SECISBP2: variants seen among roughly 807,000 people sequenced by gnomAD.
SECISBP2 encodes SECIS binding protein 2.
SECISBP2 carries 96 observed loss-of-function variants against 98.2 expected under a neutral mutation model. The ratio of observed to expected loss-of-function variants is 0.98; its 90% CI spans 0.83 to 1.16. SECISBP2 has a LOEUF of 1.16. SECISBP2 is among the 50% of genes most tolerant of loss of function. The pLI is 0.00. For synonymous variants in SECISBP2, 407 were observed against 370.2 expected (o/e 1.10, Z -1.14); for missense variants, 1,046 against 1,022.9 (o/e 1.02, Z -0.31).
intron 13 of SECISBP2, 79 bp from the exon 14 acceptor site, chr9:89,350,553 T>C: frequency 7.8e-7 from 1 of 1,275,800 alleles, no homozygotes; most frequent in Non-Finnish European, 1.1e-6. Context: ...CTACGTCTCT[T>C]CTCCCTGGGG....
At chr9:89,341,636 TC>T (rs1215570533) in intron 10 of SECISBP2, among the ~76,000 whole-genome samples, 157 bp downstream of exon 10, 11 of 152,216 alleles carry the variant, frequency 7.2e-5, no homozygotes, top group African/African-American at 2.4e-4. Flanking sequence ...GAATTAAGAG[TC>T]CAGAAATAAA....
At chr9:89,324,387 C>G (rs549721738) in intron 2 of SECISBP2, 1 of 152,156 alleles carries the variant, frequency 6.6e-6, no homozygotes, top group African/African-American at 2.4e-5. Context: ...CTTAGAAAAT[C>G]TAAGTTAACA....
rs1032879923 is a variant in SECISBP2, at chr9:89,354,739, C to G, written c.2114-2672C>G. ...CAGCCTCGAGAGGACAGCAGCCAAG[C>G]CTGCTCTGTTAGGTTGTTTCTGCAC... On this transcript the variant is annotated intron_variant, in intron 14 of 16. Coordinates refer to ENST00000375807, the MANE Select transcript of SECISBP2 (RefSeq NM_024077.5). The G allele has an allele frequency of 1.0e-5, 10 of 980,340 alleles. No homozygotes were observed. The Admixed American group carries it at 6.1e-4, about 60-fold the overall frequency. 60.7% of individuals were successfully genotyped at this position (980,340 alleles called of 1,614,324 possible). A position where few individuals can be genotyped will look rare whatever the true frequency, so the allele number is the denominator to read the frequency against.
intron 4 of SECISBP2, among the ~76,000 whole-genome samples, chr9:89,328,020 G>C (rs1827068449): frequency 6.6e-6 from 1 of 152,150 alleles, no homozygotes; most frequent in Non-Finnish European, 1.5e-5. Flanking sequence ...TGGCCAGGCT[G>C]GTCTGGAACT....
In SECISBP2 at chr9:89,358,741, C is replaced by T; in HGVS notation, c.2482C>T (p.Leu828=). 1 of 1,613,198 alleles carries T rather than the reference C, an allele frequency of 6.2e-7. No homozygotes were observed. The highest frequency in any genetic ancestry group is 2.2e-5 in the East Asian group (1 of 44,890). Residue 828 remains leucine (L), a synonymous_variant, in exon 17 of 17, where the codon CTG becomes TTG. Coordinates refer to ENST00000375807, the MANE Select transcript of SECISBP2 (RefSeq NM_024077.5). The stretch of plus-strand genomic sequence containing the variant: ...TTTAGTTGAAATCTGGAAAAAACAT[C>T]TGGAAGCATACAGTGGATGTACCCT... ...PHYIEIWKKH[L]EAYSGCTLEL...
intron 7 of SECISBP2, among the ~76,000 whole-genome samples, chr9:89,338,028 G>A (rs982322891): frequency 1.3e-5 from 2 of 152,230 alleles, no homozygotes; most frequent in Non-Finnish European, 2.9e-5. Flanking sequence ...GCAGTCCTGG[G>A]ATGGTCCCAG....
chr9:89,339,869 C>G lies in SECISBP2; in HGVS notation c.1218C>G (p.Ala406=), dbSNP rs759932472. Residue 406 remains alanine, a synonymous_variant, in exon 9 of 17, where the codon GCC becomes GCG. Coordinates refer to ENST00000375807, the MANE Select transcript of SECISBP2 (RefSeq NM_024077.5). ...TVQEPPRIED[A]EEFPNLAVAS... ...GGGGTGTGTGGTTTACTTAGGATGC[C>G]GAGGAATTTCCCAACCTGGCAGTTG... 1 of 1,612,514 alleles carries G rather than the reference C, an allele frequency of 6.2e-7. No homozygotes were observed. Among genetic ancestry groups the G allele is most frequent in the Admixed American group, 1.7e-5 (1 of 59,966 alleles).
chr9:89,349,822 C>G lies in SECISBP2; in HGVS notation c.1785C>G (p.Asp595Glu). 6.2e-7 allele frequency: 1 copy of G among 1,614,194 alleles called. No individual in the cohort carries two copies. Among genetic ancestry groups the G allele is most frequent in the Non-Finnish European group, 8.5e-7 (1 of 1,180,032 alleles). Residue 595 changes from aspartate (D) to glutamate (E), a missense_variant, in exon 13 of 17, where the codon GAC (aspartate) becomes GAG (glutamate). Physicochemically the swap from Asp to Glu is conservative, Grantham distance 45. Coordinates refer to ENST00000375807, the MANE Select transcript of SECISBP2 (RefSeq NM_024077.5). ...TGATCTCCACTCCTTCGGTTGAGGA[C>G]AAGTCTGAAGAGCCACCAGGCACAG... is the stretch of plus-strand genomic sequence containing the variant. ...DELISTPSVE[D>E]KSEEPPGTEL... is the part of the protein sequence containing the mutation.
At chr9:89,323,133 T>G (rs772503756) in intron 2 of SECISBP2, 2 of 152,148 alleles carry the variant, frequency 1.3e-5, no homozygotes, top group Admixed American at 6.6e-5. Flanking sequence ...GAAATAATTG[T>G]AGGATCATAC....
At chr9:89,356,083 G>GCACCAGTATTAT (rs1267124982) in intron 14 of SECISBP2, among the ~76,000 whole-genome samples, 1 of 152,178 alleles carries the variant, frequency 6.6e-6, no homozygotes, top group East Asian at 1.9e-4. Context: ...AGTATTATCT[G>GCACCAGTATTAT]GGGCCTGTTA....
chr9:89,361,231 G>A (rs1832735886), downstream of SECISBP2: 1 of 152,226 alleles, frequency 6.6e-6, no homozygotes, highest in African/African-American at 2.4e-5. Flanking sequence ...AGCATCTTCA[G>A]GACACCTGTT....
intron 4 of SECISBP2, among the ~76,000 whole-genome samples, 153 bp from the exon 5 acceptor site, chr9:89,328,507 G>C (rs1005035052): frequency 1.3e-5 from 2 of 152,176 alleles, no homozygotes; most frequent in Admixed American, 1.3e-4. Flanking sequence ...CTTTTACAAA[G>C]GAAGGTGAAC....
downstream of SECISBP2, chr9:89,363,754 A>G (rs377620374): frequency 6.2e-7 from 1 of 1,612,866 alleles, no homozygotes; most frequent in Non-Finnish European, 8.5e-7. Flanking sequence ...GTCTCATCAC[A>G]GCAACCTGCA....
intron 2 of SECISBP2, among the ~76,000 whole-genome samples, 199 bp downstream of exon 2, chr9:89,319,996 T>C (rs1825437830): frequency 6.6e-6 from 1 of 152,200 alleles, no homozygotes; most frequent in African/African-American, 2.4e-5. Context: ...TCCCCTTTTT[T>C]TTCTTCATAC....
At chr9:89,325,121 G>C (rs1826464592) in intron 2 of SECISBP2, 1 of 384,142 alleles carries the variant, frequency 2.6e-6, no homozygotes, top group African/African-American at 2.1e-5. Context: ...GGCCAGGGTT[G>C]CTGGGAGAGG....
At chr9:89,339,610 G>A (rs901871641) in intron 8 of SECISBP2, among the ~76,000 whole-genome samples, 1 of 152,168 alleles carries the variant, frequency 6.6e-6, no homozygotes, top group Non-Finnish European at 1.5e-5. Context: ...TCCAAGGTCA[G>A]TTCTTTAGAT....
rs780583970 is a variant in SECISBP2 at position 89,349,897 on chromosome 9, C to T, written c.1860C>T (p.Thr620=). The part of the protein sequence containing the change: ...EASHLAPNHT[T]FPKIHSRRFR... ...CCCACCTTGCTCCCAATCACACCAC[C>T]TTCCCTAAGATCCACAGCCGCAGAT... Residue 620 remains threonine, a synonymous_variant, in exon 13 of 17, where the codon ACC becomes ACT. Transcript: ENST00000375807. 1.9e-6 allele frequency: 3 copies of T among 1,614,124 alleles called. No individual in the cohort carries two copies. The highest frequency in any genetic ancestry group is 2.5e-6 in the Non-Finnish European group (3 of 1,180,040).
downstream of SECISBP2, chr9:89,362,339 G>C (rs79005557): frequency 1.3e-3 from 2,163 of 1,613,926 alleles, 25 homozygotes; most frequent in African/African-American, 0.025. Context: ...GGGGGTGGCT[G>C]TGGTCAGTGG....
chr9:89,335,715 A>G (rs1828553831), intron 7 of SECISBP2, among the ~76,000 whole-genome samples: 1 of 152,186 alleles, frequency 6.6e-6, no homozygotes, highest in South Asian at 2.1e-4. Flanking sequence ...AGTTTATTGT[A>G]CTTACACTTT....
Sources: allele counts gnomAD v4.1 joint callset (sites outside exome capture counted in the v4.1 genomes callset), GRCh38; gene constraint gnomAD v4.1.1; transcripts MANE v1.5; gene names NCBI Gene and HGNC (gene_info 2026-07-23, HGNC 2026-07-21).